MORN1: variants seen among roughly 807,000 people sequenced by gnomAD.
MORN1 encodes the protein MORN repeat containing 1.
MORN1 carries 67 observed loss-of-function variants against 61.9 expected under a neutral mutation model. The ratio of observed to expected loss-of-function variants is 1.08; its 90% CI spans 0.89 to 1.33. The LOEUF (loss-of-function observed/expected upper bound fraction) is 1.33. MORN1 is among the 40% of genes most tolerant of loss of function. MORN1 has a pLI of 0.00. For synonymous variants in MORN1, 301 were observed against 292.0 expected (o/e 1.03, Z -0.31); for missense variants, 752 against 691.2 (o/e 1.09, Z -0.99).
rs1641007989 is a variant in MORN1, at chr1:2,325,522, A to T, written c.1251-1379T>A. On this transcript the variant is annotated intron_variant, in intron 12 of 13. Coordinates refer to ENST00000378531, the MANE Select transcript of MORN1 (RefSeq NM_024848.3). ...TGCCACCATGCCCAGATAATTAAAAAAATTTTTAGAGAGGAGGTCTCACTA... is the reference window on the plus strand; with the variant it reads ...TGCCACCATGCCCAGATAATTAAAATAATTTTTAGAGAGGAGGTCTCACTA... Among the ~76,000 whole-genome samples, 3 of 151,832 alleles carry T rather than the reference A, an allele frequency of 2.0e-5. No homozygotes were observed. In the South Asian group the frequency reaches 6.2e-4, roughly 32 times the overall value.
At chr1:2,348,839 A>T (rs1003777239) in intron 10 of MORN1, among the ~76,000 whole-genome samples, 4 of 151,958 alleles carry the variant, frequency 2.6e-5, no homozygotes, top group Admixed American at 2.0e-4. Flanking sequence ...GCACACGCAC[A>T]CCTGCGCGGG....
At chr1:2,375,768 G>C (rs1165270239) in intron 6 of MORN1, 1 of 152,340 alleles carries the variant, frequency 6.6e-6, no homozygotes, top group Non-Finnish European at 1.5e-5. Flanking sequence ...CTGCTGTCTG[G>C]ACAGGGCCCT....
chr1:2,382,320 C>T (rs750456358), intron 6 of MORN1, among the ~76,000 whole-genome samples: 5 of 152,154 alleles, frequency 3.3e-5, no homozygotes, highest in Admixed American at 1.3e-4. Flanking sequence ...GCTGTGTTGC[C>T]CTGGTGAGGG....
At position 2,322,407 on chromosome 1, in the gene MORN1, A is replaced by G. The variant is rs946976283; in HGVS notation, c.1298-828T>C. ...ACCGCAAGGCAGAGCAACATTCCAG[A>G]CGCCGGCCTGGAAAACAGCGCTCCC... On this transcript the variant is annotated intron_variant, in intron 13 of 13. Transcript: ENST00000378531. 9.1e-6 allele frequency: 9 copies of G among 985,212 alleles called. No individual in the cohort carries two copies. The African/African-American group carries it at 1.4e-4, about 15-fold the overall frequency. The allele number at this position is 985,212 out of a possible 1,614,324, so 61.0% of individuals were successfully genotyped here. A position where few individuals can be genotyped will look rare whatever the true frequency, so the allele number is the denominator to read the frequency against.
intron 13 of MORN1, chr1:2,323,773 C>T (rs753765141): frequency 2.9e-5 from 29 of 985,350 alleles, no homozygotes; most frequent in Non-Finnish European, 2.9e-5. Flanking sequence ...CAGCTCCCCT[C>T]GGCTCCCCTT....
At chr1:2,373,359 C>G (rs1642163076) in intron 7 of MORN1, among the ~76,000 whole-genome samples, 1 of 152,240 alleles carries the variant, frequency 6.6e-6, no homozygotes, top group Non-Finnish European at 1.5e-5. Flanking sequence ...GGAGCTCCTG[C>G]TGTGTTCTGG....
intron 10 of MORN1, among the ~76,000 whole-genome samples, chr1:2,343,073 C>T (rs1422440900): frequency 6.6e-6 from 1 of 151,920 alleles, no homozygotes; most frequent in East Asian, 1.9e-4. Context: ...TGCGCTTGAC[C>T]CTAAGCCTCC....
rs1314363553 is a variant in MORN1 at position 2,374,232 on chromosome 1, C to A, written c.634+229G>T. 1.3e-5 allele frequency among the ~76,000 whole-genome samples: 2 copies of A among 152,228 alleles called. 1 individual carries two copies. The highest frequency in any genetic ancestry group is 4.8e-5 in the African/African-American group (2 of 41,458). On this transcript the variant is annotated intron_variant, in intron 7 of 13. Coordinates refer to ENST00000378531, the MANE Select transcript of MORN1 (RefSeq NM_024848.3). ...GGACAGCGCAGCCATGACGAGGCCA[C>A]CCCCAGACACTCAGGCCCCAAGTCC...
Position 2,374,465 on chromosome 1 carries a change from T to G in MORN1, c.630A>C (p.Pro210=). ...TYYGLWINGH[P]AEQATRIVIL... The stretch of plus-strand genomic sequence containing the variant: ...CAGGAAGGCAGGGACACCTACCTGC[T>G]GGGTGGCCATTGATCCACAACCCAT... Residue 210 remains proline (P), a synonymous_variant, in exon 7 of 14, where the codon CCA becomes CCC. Transcript: ENST00000378531. 1 of 1,589,780 alleles carries G rather than the reference T, an allele frequency of 6.3e-7. No individual in the cohort carries two copies. The highest frequency in any genetic ancestry group is 8.6e-7 in the Non-Finnish European group (1 of 1,168,626).
intron 10 of MORN1, among the ~76,000 whole-genome samples, chr1:2,342,867 A>ATTTTATTTTATTTTATTTTAT (rs370414567): frequency 4.9e-5 from 5 of 101,124 alleles, no homozygotes; most frequent in African/African-American, 6.9e-5. Context: ...ATTTTATTTT[A>ATTTTATTTTATTTTATTTTAT]TTTATTTTAT....
At chr1:2,342,852 AT>A (rs1220477077) in intron 10 of MORN1, among the ~76,000 whole-genome samples, 2 of 101,326 alleles carry the variant, frequency 2.0e-5, no homozygotes, top group Admixed American at 1.0e-4. Context: ...ATTTTATTTT[AT>A]TTTATTTTAT....
rs1481480740 is a variant in MORN1 at position 2,385,065 on chromosome 1, C to T, written c.450G>A (p.Gln150=). 5 of 1,589,488 alleles carry T rather than the reference C, an allele frequency of 3.1e-6. No homozygotes were observed. Among genetic ancestry groups the T allele is most frequent in the East Asian group, 2.3e-5 (1 of 44,130 alleles). The change falls in exon 6 of 14, where the codon CAG becomes CAA. Residue 150 remains glutamine, a splice_region_variant and synonymous_variant. Coordinates refer to ENST00000378531, the MANE Select transcript of MORN1 (RefSeq NM_024848.3). ...KRHGPGQMLF[Q]NGDKYDGDWV... ...AGTCGCCGTCGTACTTGTCACCGTT[C>T]CTGGGGGACACACGCACGGAGTCCA...
intron 6 of MORN1, among the ~76,000 whole-genome samples, chr1:2,381,048 C>G (rs758673510): frequency 6.6e-6 from 1 of 152,196 alleles, no homozygotes; most frequent in Non-Finnish European, 1.5e-5. Flanking sequence ...GAGGGCCCAG[C>G]GCTAAGATGC....
In MORN1 at chr1:2,357,861, G is replaced by A. The variant is rs1454455071; in HGVS notation, c.870-263C>T. On this transcript the variant is annotated intron_variant, in intron 9 of 13. Coordinates refer to ENST00000378531, the MANE Select transcript of MORN1 (RefSeq NM_024848.3). This position sits in a 1 kb window ranked among gnomAD's most constrained non-coding sequence, Gnocchi z 6.3. ...CCCATTATTATTTATGACAACTCCA[G>A]CAGCGTCACCTCTCGGGTGCGTTCT... Among the ~76,000 whole-genome samples the A allele has an allele frequency of 6.6e-6, 1 of 152,156 alleles. No homozygotes were observed. Among genetic ancestry groups the A allele is most frequent in the African/African-American group, 2.4e-5 (1 of 41,438 alleles).
intron 10 of MORN1, among the ~76,000 whole-genome samples, chr1:2,342,182 G>C (rs1257714346): frequency 6.6e-6 from 1 of 152,276 alleles, no homozygotes; most frequent in East Asian, 1.9e-4. Flanking sequence ...GGACGGGATC[G>C]GGCAGCTTGA....
intron 6 of MORN1, chr1:2,377,601 T>C (rs1054102449): frequency 6.6e-6 from 1 of 152,394 alleles, no homozygotes; most frequent in African/African-American, 2.4e-5. Context: ...GAAGCACTTC[T>C]GGTCCATTCA....
chr1:2,336,391 C>T (rs1010458130), intron 12 of MORN1, 78 bp downstream of exon 12: 80 of 1,454,676 alleles, frequency 5.5e-5, no homozygotes, highest in Non-Finnish European at 7.4e-5. Flanking sequence ...CTGGGCCTTC[C>T]CCGTCCTCCT....
At chr1:2,344,936 G>T (rs1026292487) in intron 10 of MORN1, among the ~76,000 whole-genome samples, 1 of 152,210 alleles carries the variant, frequency 6.6e-6, no homozygotes, top group Non-Finnish European at 1.5e-5. Context: ...CCCCCGCGAG[G>T]GTCCACGCAT....
intron 10 of MORN1, among the ~76,000 whole-genome samples, chr1:2,348,841 C>T (rs1414534429): frequency 1.3e-5 from 2 of 152,048 alleles, no homozygotes; most frequent in Non-Finnish European, 2.9e-5. Flanking sequence ...ACACGCACAC[C>T]TGCGCGGGCA....
Sources: allele counts gnomAD v4.1 joint callset (sites outside exome capture counted in the v4.1 genomes callset), GRCh38; gene constraint gnomAD v4.1.1; non-coding constraint Gnocchi (gnomAD v3.1); transcripts MANE v1.5; gene names NCBI Gene and HGNC (gene_info 2026-07-23, HGNC 2026-07-21).